PXDN: variants seen among roughly 807,000 people sequenced by gnomAD.
PXDN encodes the protein peroxidasin homolog.
In PXDN, 77 loss-of-function variants were observed where a neutral mutation model predicts 140.3. The ratio of observed to expected loss-of-function variants is 0.55; its 90% CI spans 0.46 to 0.66. PXDN has a LOEUF of 0.66. Among genes scored for constraint, PXDN ranks in the 30% least tolerant of loss-of-function variants. The pLI is 0.00. For missense variants in PXDN, 1,838 were observed against 2,039.5 expected, an observed-to-expected ratio of 0.90 and a Z score of 1.90; for synonymous variants, 911 against 857.4, an observed-to-expected ratio of 1.06 and a Z score of -1.09.
intron 4 of PXDN, among the ~76,000 whole-genome samples, chr2:1,686,118 C>G (rs1443669291): frequency 6.6e-6 from 1 of 152,194 alleles, no homozygotes. Flanking sequence ...TCGCCAGGGT[C>G]AGGCACAAGC....
intron 16 of PXDN, chr2:1,653,065 G>A (rs892644506): frequency 2.9e-5 from 6 of 203,474 alleles, no homozygotes; most frequent in Admixed American, 2.1e-4. Flanking sequence ...CTACCAGCAA[G>A]GACAATCGTG....
intron 1 of PXDN, among the ~76,000 whole-genome samples, chr2:1,730,091 C>T (rs1174595869): frequency 6.6e-6 from 1 of 152,208 alleles, no homozygotes; most frequent in Non-Finnish European, 1.5e-5. Flanking sequence ...CGCCTGAATG[C>T]TTCTGTGTGT....
At chr2:1,710,216 G>A (rs1182585727) in intron 1 of PXDN, among the ~76,000 whole-genome samples, 4 of 152,186 alleles carry the variant, frequency 2.6e-5, no homozygotes, top group Non-Finnish European at 4.4e-5. Context: ...GACACACGCC[G>A]AAGAACAGCT....
rs1253262167 is a variant in PXDN, at chr2:1,660,047, C to T, written c.1837+834G>A. 4.6e-5 allele frequency among the ~76,000 whole-genome samples: 7 copies of T among 152,110 alleles called. No individual in the cohort carries two copies. Among genetic ancestry groups the T allele is most frequent in the East Asian group, 1.9e-4 (1 of 5,174 alleles). ...TACCCCGTGAAGGGGGGTTTGTGCG[C>T]GTTCTCAGAGTGTTGCTAACTCTAG... is the stretch of plus-strand genomic sequence containing the variant. On this transcript the variant is annotated intron_variant, in intron 14 of 22. Transcript: ENST00000252804. This position sits in a 1 kb window ranked among gnomAD's most constrained non-coding sequence, Gnocchi z 4.6.
At chr2:1,635,701 C>A in intron 21 of PXDN, 180 bp from the exon 22 acceptor site, 1 of 618,812 alleles carries the variant, frequency 1.6e-6, no homozygotes, top group South Asian at 1.8e-5. Flanking sequence ...GGCAGCTGAC[C>A]ACACGCCCCA....
chr2:1,649,194 G>C lies in PXDN; in HGVS notation c.2586C>G (p.Ile862Met). Residue 862 changes from isoleucine (I) to methionine (M), a missense_variant, in exon 17 of 23, where the codon ATC becomes ATG. Coordinates refer to ENST00000252804, the MANE Select transcript of PXDN (RefSeq NM_012293.3). This position sits in a 1 kb window ranked among gnomAD's most constrained non-coding sequence, Gnocchi z 7.1. ...TCCTGGCCCGGGAGTCATTGGGGGG[G>C]ATCATGACAGAGAAGCAGGGGGGGT... ...SNDPPCFSVM[I>M]PPNDSRARSG... The C allele has an allele frequency of 6.6e-7, 1 of 1,523,768 alleles. No individual in the cohort carries two copies. The highest frequency in any genetic ancestry group is 8.9e-7 in the Non-Finnish European group (1 of 1,126,186). 94.4% of individuals were successfully genotyped at this position (1,523,768 alleles called of 1,614,324 possible). A position where few individuals can be genotyped will look rare whatever the true frequency, so the allele number is the denominator to read the frequency against.
chr2:1,738,831 G>A (rs1211029309), intron 1 of PXDN, among the ~76,000 whole-genome samples: 1 of 152,216 alleles, frequency 6.6e-6, no homozygotes, highest in Non-Finnish European at 1.5e-5. Context: ...ACAGCCATCA[G>A]CCACCACACC....
intron 14 of PXDN, among the ~76,000 whole-genome samples, chr2:1,657,309 C>T (rs981628402): frequency 6.7e-6 from 1 of 150,124 alleles, no homozygotes; most frequent in Non-Finnish European, 1.5e-5. Flanking sequence ...CAGGGACCTG[C>T]CCCTCCTGAC....
intron 1 of PXDN, among the ~76,000 whole-genome samples, chr2:1,709,026 AC>A (rs1684687851): frequency 6.6e-6 from 1 of 152,100 alleles, no homozygotes. Context: ...CTGCCAGTTC[AC>A]CGCGGGAGGG....
At chr2:1,654,306 C>A in intron 15 of PXDN, 94 bp downstream of exon 15, 1 of 798,286 alleles carries the variant, frequency 1.3e-6, no homozygotes, top group South Asian at 2.0e-5. Flanking sequence ...AATCAAAATT[C>A]ATATATTAGA....
intron 1 of PXDN, among the ~76,000 whole-genome samples, chr2:1,718,694 G>C (rs1684947903): frequency 1.3e-5 from 2 of 152,254 alleles, no homozygotes; most frequent in South Asian, 4.1e-4. Flanking sequence ...CAAACACGGG[G>C]TGACGCGGGC....
At chr2:1,688,326 G>C (rs1476702982) in intron 3 of PXDN, among the ~76,000 whole-genome samples, 1 of 152,182 alleles carries the variant, frequency 6.6e-6, no homozygotes, top group East Asian at 1.9e-4. Context: ...AGCTCTGCTG[G>C]AACACGCCCA....
chr2:1,692,396 C>T, intron 2 of PXDN: 2 of 421,586 alleles, frequency 4.7e-6, no homozygotes, highest in South Asian at 3.6e-5. Flanking sequence ...GAAAGGTGGG[C>T]CCTGTGGCCC....
chr2:1,683,974 G>T (rs760312693), intron 5 of PXDN, 106 bp downstream of exon 5: 4 of 1,149,520 alleles, frequency 3.5e-6, no homozygotes, highest in Non-Finnish European at 4.9e-6. Context: ...ATTTTATATT[G>T]AAACAGTTTT....
chr2:1,711,487 G>GCACCCA (rs1558521431), intron 1 of PXDN, among the ~76,000 whole-genome samples: 18 of 37,344 alleles, frequency 4.8e-4, no homozygotes, highest in African/African-American at 2.2e-3. Context: ...ACCAGCACCC[G>GCACCCA]CTCCACCAGC....
chr2:1,715,095 G>A (rs1032457680), intron 1 of PXDN, among the ~76,000 whole-genome samples: 4 of 151,670 alleles, frequency 2.6e-5, no homozygotes, highest in African/African-American at 4.9e-5. Flanking sequence ...CTTCTTCCAT[G>A]GGTGTTAAAA....
chr2:1,701,977 G>A (rs1413950977), intron 1 of PXDN, among the ~76,000 whole-genome samples: 1 of 152,152 alleles, frequency 6.6e-6, no homozygotes, highest in East Asian at 1.9e-4. Flanking sequence ...GAGCTGCAGG[G>A]GTGAATTGGT....
chr2:1,719,059 A>G (rs953598321), intron 1 of PXDN, among the ~76,000 whole-genome samples: 9 of 152,234 alleles, frequency 5.9e-5, no homozygotes, highest in Non-Finnish European at 8.8e-5. Flanking sequence ...CCGAGCTGAG[A>G]CGCCAGGGGC....
intron 1 of PXDN, among the ~76,000 whole-genome samples, chr2:1,705,088 C>T (rs1056857249): frequency 1.4e-5 from 2 of 146,918 alleles, no homozygotes; most frequent in East Asian, 2.0e-4. Flanking sequence ...TGATGTCGCC[C>T]GGCACTGCCC....
Sources: allele counts gnomAD v4.1 joint callset (sites outside exome capture counted in the v4.1 genomes callset), GRCh38; gene constraint gnomAD v4.1.1; non-coding constraint Gnocchi (gnomAD v3.1); transcripts MANE v1.5; gene names NCBI Gene and HGNC (gene_info 2026-07-23, HGNC 2026-07-21).